The following GRK5 variants were observed in gnomAD, a reference collection of about 807,000 sequenced individuals.
GRK5 encodes the protein G protein-coupled receptor kinase 5.
Under a neutral mutation model 78.4 loss-of-function variants are expected in GRK5, and 40 were observed. The ratio of observed to expected loss-of-function variants is 0.51; its 90% CI spans 0.40 to 0.66. The LOEUF is 0.66. Ranked by LOEUF, GRK5 falls within the 30% of genes least tolerant of loss-of-function variation. GRK5 has a pLI of 0.00. For missense variants in GRK5, 598 were observed against 759.9 expected, an observed-to-expected ratio of 0.79 and a Z score of 2.50; for synonymous variants, 289 against 296.8, an observed-to-expected ratio of 0.97 and a Z score of 0.27.
chr10:119,290,756 G>T (rs1349402297), intron 1 of GRK5, among the ~76,000 whole-genome samples: 4 of 151,974 alleles, frequency 2.6e-5, no homozygotes, highest in Admixed American at 2.6e-4. Flanking sequence ...TCCTTGGGCT[G>T]GGTTTCCCCT....
At chr10:119,250,947 C>T (rs1424135054) in intron 1 of GRK5, among the ~76,000 whole-genome samples, 1 of 152,122 alleles carries the variant, frequency 6.6e-6, no homozygotes, top group Non-Finnish European at 1.5e-5. Context: ...TATCGAGGGC[C>T]TTTGCAACAG....
intron 9 of GRK5, among the ~76,000 whole-genome samples, chr10:119,439,225 C>CT (rs1174903525): frequency 6.6e-6 from 1 of 152,284 alleles, no homozygotes; most frequent in East Asian, 1.9e-4. Context: ...CGTAGCTGTT[C>CT]TTTCTCCCAG....
chr10:119,261,369 C>T (rs1211353931), intron 1 of GRK5, among the ~76,000 whole-genome samples: 1 of 149,660 alleles, frequency 6.7e-6, no homozygotes, highest in Non-Finnish European at 1.5e-5. Flanking sequence ...CTCCTCACTT[C>T]CTAGATGGGA....
intron 4 of GRK5, among the ~76,000 whole-genome samples, chr10:119,397,072 C>T (rs189247926): frequency 1.3e-5 from 2 of 152,338 alleles, no homozygotes; most frequent in East Asian, 3.9e-4. Context: ...TGTGGTAGGG[C>T]AGATGGAGGC....
intron 4 of GRK5, among the ~76,000 whole-genome samples, chr10:119,405,532 A>G (rs1031759615): frequency 2.1e-5 from 3 of 145,506 alleles, no homozygotes; most frequent in South Asian, 2.4e-4. Context: ...AGGAAATAAT[A>G]ACGACTCCAA....
intron 3 of GRK5, among the ~76,000 whole-genome samples, chr10:119,394,330 G>A (rs369472421): frequency 0.025 from 307 of 12,306 alleles, 1 homozygote; most frequent in Non-Finnish European, 0.028. Context: ...GTGTGTATCT[G>A]TGTGTCTGTG....
chr10:119,222,453 C>T (rs1363587336), intron 1 of GRK5, among the ~76,000 whole-genome samples: 1 of 152,082 alleles, frequency 6.6e-6, no homozygotes, highest in African/African-American at 2.4e-5. Flanking sequence ...GTATCCTCCT[C>T]TGTGGAATTC....
chr10:119,228,354 A>G (rs1447157852), intron 1 of GRK5, among the ~76,000 whole-genome samples: 1 of 151,708 alleles, frequency 6.6e-6, no homozygotes, highest in Non-Finnish European at 1.5e-5. Flanking sequence ...CAAAAAAAAC[A>G]AAACAAAACA....
At chr10:119,388,676 C>T (rs1407852221) in intron 3 of GRK5, among the ~76,000 whole-genome samples, 1 of 152,224 alleles carries the variant, frequency 6.6e-6, no homozygotes, top group African/African-American at 2.4e-5. Flanking sequence ...CTTGAAACAA[C>T]AGTCAACCTT....
chr10:119,355,165 A>G (rs972775350), intron 2 of GRK5, among the ~76,000 whole-genome samples: 10 of 152,252 alleles, frequency 6.6e-5, no homozygotes, highest in African/African-American at 2.4e-4. Context: ...TGCAGACACA[A>G]CAATCCATTT....
At chr10:119,347,055 G>C (rs939816474) in intron 2 of GRK5, among the ~76,000 whole-genome samples, 1 of 152,200 alleles carries the variant, frequency 6.6e-6, no homozygotes, top group Non-Finnish European at 1.5e-5. Context: ...GCTCAGTCCT[G>C]AGGGCTGAGG....
chr10:119,242,503 G>C (rs1454610275), intron 1 of GRK5, among the ~76,000 whole-genome samples: 2 of 150,156 alleles, frequency 1.3e-5, no homozygotes, highest in Non-Finnish European at 3.0e-5. Flanking sequence ...GCATCCAAGA[G>C]CTGCCCTGGC....
intron 1 of GRK5, among the ~76,000 whole-genome samples, chr10:119,246,020 A>C (rs1301712411): frequency 9.0e-6 from 1 of 111,084 alleles, no homozygotes; most frequent in East Asian, 2.8e-4. Flanking sequence ...ACTCCATCTC[A>C]AAAAAAAAAA....
rs1445197950 is a variant in GRK5, at chr10:119,217,474, G to A, written c.52+9505G>A. On this transcript the variant is annotated intron_variant, in intron 1 of 15. Coordinates refer to ENST00000392870, the MANE Select transcript of GRK5 (RefSeq NM_005308.3). This position sits in a 1 kb window ranked among gnomAD's most constrained non-coding sequence, Gnocchi z 4.1. ...CGTATGTGGTATGATCGCCTGTGGA[G>A]GCCCATTACCTGTACTCTCTCGCTG... Among the ~76,000 whole-genome samples the A allele has an allele frequency of 9.9e-5, 15 of 152,224 alleles. No homozygotes were observed. The highest frequency in any genetic ancestry group is 9.8e-4 in the Admixed American group (15 of 15,282).
chr10:119,386,035 C>G (rs1387345451), intron 3 of GRK5, among the ~76,000 whole-genome samples: 3 of 152,196 alleles, frequency 2.0e-5, no homozygotes, highest in African/African-American at 7.2e-5. Context: ...CAGGTACACA[C>G]CACCACGCCC....
intron 1 of GRK5, among the ~76,000 whole-genome samples, chr10:119,216,819 GT>G (rs1848582545): frequency 6.6e-6 from 1 of 152,188 alleles, no homozygotes; most frequent in East Asian, 1.9e-4. Flanking sequence ...GGATGTGGTG[GT>G]GGGTGCCTAT....
At chr10:119,423,915 A>G (rs1213463074) in intron 5 of GRK5, among the ~76,000 whole-genome samples, 1 of 152,232 alleles carries the variant, frequency 6.6e-6, no homozygotes, top group Non-Finnish European at 1.5e-5. Flanking sequence ...TCAGCACCAC[A>G]GACATCAATT....
intron 3 of GRK5, among the ~76,000 whole-genome samples, chr10:119,391,288 G>T (rs1029152078): frequency 6.6e-6 from 1 of 151,894 alleles, no homozygotes; most frequent in Non-Finnish European, 1.5e-5. Flanking sequence ...GACCAGGTAC[G>T]TCTGACCCTG....
intron 1 of GRK5, among the ~76,000 whole-genome samples, chr10:119,229,859 C>T (rs565271725): frequency 1.6e-4 from 25 of 152,304 alleles, no homozygotes; most frequent in African/African-American, 5.5e-4. Context: ...TTTTTCACCA[C>T]GGTCCAATGC....
Sources: gnomAD v4.1 joint callset for allele counts (sites outside exome capture counted in the v4.1 genomes callset) on GRCh38, gnomAD v4.1.1 for gene constraint, Gnocchi (gnomAD v3.1) non-coding constraint, MANE v1.5 for transcripts, NCBI Gene and HGNC (gene_info 2026-07-23, HGNC 2026-07-21) for gene names.